The following CDH13 variants were observed in gnomAD, a reference collection of about 807,000 sequenced individuals.
CDH13 encodes cadherin-13.
In CDH13, 24 loss-of-function variants were observed where a neutral mutation model predicts 63.8. That is an observed-to-expected ratio of 0.38 (90% CI 0.27 to 0.53). The LOEUF (loss-of-function observed/expected upper bound fraction) is 0.53, where lower values mean the gene tolerates loss of function less well. CDH13 is among the 20% of genes least tolerant of loss of function. The pLI is 0.85. For synonymous variants in CDH13, 503 were observed against 355.3 expected, an observed-to-expected ratio of 1.42 and a Z score of -4.67; for missense variants, 1,049 against 903.1, an observed-to-expected ratio of 1.16 and a Z score of -2.07.
rs377509629 is a variant in CDH13, at chr16:83,733,576, C to T, written c.1539-14532C>T. Reference sequence around the variant, plus strand: ...CAGCCATCTATCTCACTGTGGTCCCCGCTGCAGCTGGCTTCATTTATTGAC... The same window carrying T: ...CAGCCATCTATCTCACTGTGGTCCCTGCTGCAGCTGGCTTCATTTATTGAC... On this transcript the variant is annotated intron_variant, in intron 10 of 13. Transcript: ENST00000567109. 6.3e-4 allele frequency among the ~76,000 whole-genome samples: 96 copies of T among 152,300 alleles called. No individual in the cohort carries two copies. The South Asian group carries it at 8.1e-3, about 13-fold the overall frequency.
At chr16:83,235,601 A>G (rs569695039) in intron 5 of CDH13, among the ~76,000 whole-genome samples, 1 of 108,456 alleles carries the variant, frequency 9.2e-6, no homozygotes, top group Non-Finnish European at 1.9e-5. Flanking sequence ...TTTTTTTCTC[A>G]TTGCAGAAGA....
At chr16:83,600,075 A>G (rs964444145) in intron 7 of CDH13, among the ~76,000 whole-genome samples, 1 of 152,204 alleles carries the variant, frequency 6.6e-6, no homozygotes, top group African/African-American at 2.4e-5. Flanking sequence ...GATTTCAAGC[A>G]TCTATACCGA....
At chr16:82,662,005 C>T (rs1221591966) in intron 1 of CDH13, among the ~76,000 whole-genome samples, 1 of 152,202 alleles carries the variant, frequency 6.6e-6, no homozygotes, top group Non-Finnish European at 1.5e-5. Flanking sequence ...GCTCCTTTGT[C>T]ACAGGCGGCT....
intron 5 of CDH13, among the ~76,000 whole-genome samples, chr16:83,230,723 G>A (rs975659459): frequency 2.6e-5 from 4 of 152,150 alleles, no homozygotes; most frequent in Non-Finnish European, 5.9e-5. Flanking sequence ...GGAGGTGGAG[G>A]TAGTGGTGAG....
At chr16:82,675,770 C>T (rs183029203) in intron 1 of CDH13, among the ~76,000 whole-genome samples, 90 of 152,282 alleles carry the variant, frequency 5.9e-4, no homozygotes, top group African/African-American at 2.0e-3. Flanking sequence ...CCAGTCCAGC[C>T]TTTGTGACCT....
intron 10 of CDH13, among the ~76,000 whole-genome samples, chr16:83,680,928 C>T (rs1422499527): frequency 1.3e-5 from 2 of 152,028 alleles, no homozygotes; most frequent in African/African-American, 4.8e-5. Context: ...CCTGGGTTGT[C>T]TCCATCCTCA....
At chr16:82,684,384 G>C (rs1914854087) in intron 1 of CDH13, among the ~76,000 whole-genome samples, 1 of 152,152 alleles carries the variant, frequency 6.6e-6, no homozygotes, top group African/African-American at 2.4e-5. Flanking sequence ...TAGCAAGTAG[G>C]TTTTGTTTTG....
chr16:83,331,805 A>G (rs180961959), intron 5 of CDH13, among the ~76,000 whole-genome samples: 99 of 152,306 alleles, frequency 6.5e-4, no homozygotes, highest in African/African-American at 2.3e-3. Flanking sequence ...TGTGTCTGCA[A>G]TGCAGTGTTG....
intron 10 of CDH13, among the ~76,000 whole-genome samples, chr16:83,683,436 A>C (rs145281091): frequency 6.6e-6 from 1 of 152,208 alleles, no homozygotes; most frequent in African/African-American, 2.4e-5. Context: ...TCAATCACGT[A>C]TGTGAGTATT....
chr16:83,463,896 A>G (rs2073242828), intron 6 of CDH13, among the ~76,000 whole-genome samples: 1 of 152,198 alleles, frequency 6.6e-6, no homozygotes, highest in Admixed American at 6.5e-5. Flanking sequence ...CAACAGGGGA[A>G]GACAGTGCAG....
intron 5 of CDH13, among the ~76,000 whole-genome samples, chr16:83,341,964 A>G (rs1597791184): frequency 6.8e-6 from 1 of 147,234 alleles, no homozygotes; most frequent in Non-Finnish European, 1.5e-5. Flanking sequence ...TTTCTCCACC[A>G]TTTATTTTGA....
chr16:82,953,171 A>C (rs968547824), intron 2 of CDH13: 1 of 152,108 alleles, frequency 6.6e-6, no homozygotes, highest in Non-Finnish European at 1.5e-5. Context: ...GTGTAATCCA[A>C]CCTCTCTTAG....
chr16:83,216,408 A>G (rs1432011062), intron 4 of CDH13, among the ~76,000 whole-genome samples: 1 of 76,020 alleles, frequency 1.3e-5, no homozygotes, highest in Non-Finnish European at 2.6e-5. Flanking sequence ...ATATATATAT[A>G]TATATATATA....
intron 1 of CDH13, among the ~76,000 whole-genome samples, chr16:82,650,432 C>T (rs16957996): frequency 0.22 from 33,727 of 151,950 alleles, 5,126 homozygotes; most frequent in African/African-American, 0.43. Context: ...TCCAGAAAGT[C>T]TTATGCTCAT....
intron 5 of CDH13, among the ~76,000 whole-genome samples, chr16:83,220,066 G>A (rs1367946485): frequency 1.3e-5 from 2 of 152,188 alleles, no homozygotes; most frequent in Admixed American, 6.5e-5. Context: ...CTGGCAGACT[G>A]GGGCCCAGCC....
chr16:82,802,129 G>A (rs996380684), intron 1 of CDH13, among the ~76,000 whole-genome samples: 12 of 152,044 alleles, frequency 7.9e-5, no homozygotes, highest in African/African-American at 2.9e-4. Flanking sequence ...ATTGGTTGGA[G>A]CCTGCTTCTA....
intron 4 of CDH13, among the ~76,000 whole-genome samples, chr16:83,161,570 T>A (rs2037444040): frequency 6.6e-6 from 1 of 152,178 alleles, no homozygotes; most frequent in Non-Finnish European, 1.5e-5. Flanking sequence ...ATTATGTCTT[T>A]TTTTTATGGT....
intron 3 of CDH13, among the ~76,000 whole-genome samples, chr16:83,055,375 G>A (rs1172947919): frequency 3.9e-4 from 58 of 147,338 alleles, no homozygotes; most frequent in Non-Finnish European, 5.9e-4. Context: ...CCTAGTAAGG[G>A]TAATTAAGAA....
chr16:82,804,003 G>A (rs565276450), intron 1 of CDH13, among the ~76,000 whole-genome samples: 1 of 152,276 alleles, frequency 6.6e-6, no homozygotes, highest in Non-Finnish European at 1.5e-5. Context: ...GCTGAGGTGG[G>A]CAGATCACGA....
Sources: allele counts gnomAD v4.1 joint callset (sites outside exome capture counted in the v4.1 genomes callset), GRCh38; gene constraint gnomAD v4.1.1; transcripts MANE v1.5; gene names NCBI Gene and HGNC (gene_info 2026-07-23, HGNC 2026-07-21).